The following ACMSD variants were observed in gnomAD, a reference collection of about 807,000 sequenced individuals.
The protein encoded by ACMSD is 2-amino-3-carboxymuconate-6-semialdehyde decarboxylase.
In ACMSD, 37 loss-of-function variants were observed where a neutral mutation model predicts 45.9. The observed-to-expected ratio is 0.81, with a 90% CI of 0.62 to 1.06. The LOEUF (loss-of-function observed/expected upper bound fraction) is 1.06. Ranked by LOEUF, ACMSD falls within the 50% of genes least tolerant of loss-of-function variation. ACMSD has a pLI of 0.00. For missense variants in ACMSD, 434 were observed against 420.9 expected (o/e 1.03, Z -0.27); for synonymous variants, 138 against 148.8 (o/e 0.93, Z 0.53).
intron 8 of ACMSD, among the ~76,000 whole-genome samples, chr2:134,893,311 A>C (rs1373968729): frequency 1.4e-5 from 2 of 147,090 alleles, no homozygotes; most frequent in Non-Finnish European, 3.0e-5. Flanking sequence ...CAATCCTTCC[A>C]CCTCAGCCTC....
intron 8 of ACMSD, among the ~76,000 whole-genome samples, chr2:134,881,775 G>A (rs1332195948): frequency 2.0e-5 from 3 of 152,122 alleles, no homozygotes; most frequent in Non-Finnish European, 4.4e-5. Context: ...ATCACTTGAG[G>A]TCAGGAGTTC....
chr2:134,880,494 T>A (rs1308024825), intron 8 of ACMSD, among the ~76,000 whole-genome samples: 1 of 152,242 alleles, frequency 6.6e-6, no homozygotes, highest in Non-Finnish European at 1.5e-5. Flanking sequence ...CTTTGAACTT[T>A]CGTTTTACTT....
At chr2:134,893,124 C>T (rs900361933) in intron 8 of ACMSD, among the ~76,000 whole-genome samples, 12 of 152,142 alleles carry the variant, frequency 7.9e-5, no homozygotes, top group Non-Finnish European at 1.5e-4. Context: ...CCAACAGACA[C>T]TATCCAGTCC....
chr2:134,857,759 T>TA (rs1362256507), intron 2 of ACMSD: 1 of 151,510 alleles, frequency 6.6e-6, no homozygotes, highest in Non-Finnish European at 1.5e-5. Context: ...TTCCTGATCT[T>TA]AGAGAAAAAG....
At position 134,849,179 on chromosome 2, in the gene ACMSD, CATTTT is replaced by C. The variant is rs533412000; in HGVS notation, c.102+3903_102+3907del. 2.6e-4 allele frequency among the ~76,000 whole-genome samples: 39 copies of C among 152,116 alleles called. No homozygotes were observed. In the South Asian group the frequency reaches 4.2e-3, roughly 16 times the overall value. ...TAGTGGATTTGAATGGCCTTCATTT[CATTTT>C]GTTTTAATATCAAGAAATTTCATAA... On this transcript the variant is annotated intron_variant, in intron 2 of 9. Transcript: ENST00000356140.
rs748480525 is a variant in ACMSD, at chr2:134,872,469, G to T, written c.677G>T (p.Gly226Val). ...PKLKVCFAHGGGAFPFTVGRI... is the reference protein window; with the variant it reads ...PKLKVCFAHGVGAFPFTVGRI... ...CCTCAGTAATGGGTTTTACTTGCAG[G>T]TGGTGCCTTCCCCTTCACAGTGGGA... Residue 226 changes from glycine to valine, a missense_variant and splice_region_variant, in exon 8 of 10, where the codon GGT becomes GTT. Coordinates refer to ENST00000356140, the MANE Select transcript of ACMSD (RefSeq NM_138326.3). 1 of 1,614,114 alleles carries T rather than the reference G, an allele frequency of 6.2e-7. No individual in the cohort carries two copies. The highest frequency in any genetic ancestry group is 8.5e-7 in the Non-Finnish European group (1 of 1,180,016).
intron 6 of ACMSD, among the ~76,000 whole-genome samples, chr2:134,868,491 C>T (rs1440636536): frequency 1.5e-5 from 2 of 131,818 alleles, no homozygotes; most frequent in Non-Finnish European, 1.5e-5. Flanking sequence ...CTCACTCTGT[C>T]GCCCAGACTG....
At chr2:134,883,264 A>G (rs1348832725) in intron 8 of ACMSD, among the ~76,000 whole-genome samples, 1 of 151,458 alleles carries the variant, frequency 6.6e-6, no homozygotes, top group Non-Finnish European at 1.5e-5. Context: ...GGGATCACAG[A>G]CAAAAAAAAA....
chr2:134,847,882 G>T (rs1479069988), intron 2 of ACMSD, among the ~76,000 whole-genome samples: 1 of 145,950 alleles, frequency 6.9e-6, no homozygotes, highest in African/African-American at 2.6e-5. Context: ...ATGGAGTTTC[G>T]CTCTTGTCAC....
chr2:134,851,065 T>C (rs916894664), intron 2 of ACMSD, among the ~76,000 whole-genome samples: 2 of 152,232 alleles, frequency 1.3e-5, no homozygotes, highest in African/African-American at 4.8e-5. Context: ...TTTCTGTTCC[T>C]GTGTTAATTT....
intron 4 of ACMSD, chr2:134,863,025 G>C (rs1253406831): frequency 1.0e-6 from 1 of 984,746 alleles, no homozygotes; most frequent in Non-Finnish European, 1.2e-6. Flanking sequence ...GGTGGCCTGG[G>C]GCCCTTGGCC....
At chr2:134,853,883 G>A (rs1268911032) in intron 2 of ACMSD, among the ~76,000 whole-genome samples, 2 of 152,134 alleles carry the variant, frequency 1.3e-5, no homozygotes, top group Non-Finnish European at 2.9e-5. Context: ...TGTAATGAGA[G>A]GCACTCCCAG....
At chr2:134,876,303 T>A (rs1232486917) in intron 8 of ACMSD, among the ~76,000 whole-genome samples, 1 of 152,198 alleles carries the variant, frequency 6.6e-6, no homozygotes, top group African/African-American at 2.4e-5. Flanking sequence ...ACTTTTTTAC[T>A]TTTTAAAATT....
chr2:134,867,401 G>C, intron 5 of ACMSD, 178 bp from the exon 6 acceptor site: 2 of 393,532 alleles, frequency 5.1e-6, no homozygotes, highest in Non-Finnish European at 9.0e-6. Context: ...TATTTTCTAA[G>C]CAGGAGAAGT....
At chr2:134,843,594 C>T (rs1686908697) in intron 1 of ACMSD, among the ~76,000 whole-genome samples, 2 of 152,124 alleles carry the variant, frequency 1.3e-5, no homozygotes, top group South Asian at 4.2e-4. Context: ...AACTTCCCTG[C>T]ACCACAGCAT....
intron 6 of ACMSD, 174 bp downstream of exon 6, chr2:134,867,846 A>G: frequency 2.6e-6 from 1 of 382,574 alleles, no homozygotes; most frequent in Non-Finnish European, 4.7e-6. Context: ...TATATATATA[A>G]CCTCATTTAA....
intron 8 of ACMSD, among the ~76,000 whole-genome samples, chr2:134,889,090 T>G (rs1454283077): frequency 6.6e-6 from 1 of 152,194 alleles, no homozygotes; most frequent in Non-Finnish European, 1.5e-5. Flanking sequence ...TTCATGTGCA[T>G]TCTAGGCTCA....
chr2:134,868,650 A>G (rs1004838984), intron 6 of ACMSD, among the ~76,000 whole-genome samples: 35 of 151,896 alleles, frequency 2.3e-4, no homozygotes, highest in African/African-American at 7.3e-4. Context: ...ACAGGGTTTC[A>G]CCATGTTGGC....
intron 5 of ACMSD, among the ~76,000 whole-genome samples, chr2:134,865,479 C>G (rs1298134738): frequency 6.6e-6 from 1 of 152,182 alleles, no homozygotes; most frequent in Non-Finnish European, 1.5e-5. Context: ...ATTTGTGTGA[C>G]TAGCTCGACC....
Sources: gnomAD v4.1 joint callset for allele counts (sites outside exome capture counted in the v4.1 genomes callset) on GRCh38, gnomAD v4.1.1 for gene constraint, MANE v1.5 for transcripts, NCBI Gene and HGNC (gene_info 2026-07-23, HGNC 2026-07-21) for gene names.